Variants in NCOR1 observed in about 807,000 individuals in gnomAD.
NCOR1 encodes the protein protein phosphatase 1, regulatory subunit 109.
A neutral mutation model predicts 288.1 loss-of-function variants in NCOR1; 63 were observed. That is an observed-to-expected ratio of 0.22 (90% CI 0.18 to 0.27). The LOEUF is 0.27. NCOR1 is among the 10% of genes least tolerant of loss of function. The pLI, the probability that NCOR1 is intolerant of heterozygous loss-of-function variation, is 1.00. For missense variants in NCOR1, 2,397 were observed against 3,019.2 expected (o/e 0.79, Z 4.83); for synonymous variants, 1,007 against 1,065.9 (o/e 0.94, Z 1.08).
intron 26 of NCOR1, 130 bp downstream of exon 26, chr17:16,079,834 C>A: frequency 1.5e-6 from 1 of 665,342 alleles, no homozygotes; most frequent in Non-Finnish European, 2.6e-6. Flanking sequence ...GTTTGCAGAT[C>A]TAGGTTATGA....
chr17:16,053,094 A>T (rs1327419794), intron 40 of NCOR1, among the ~76,000 whole-genome samples: 1 of 152,224 alleles, frequency 6.6e-6, no homozygotes, highest in Non-Finnish European at 1.5e-5. Flanking sequence ...CATCATACTG[A>T]ATGGGCAAAA....
chr17:16,127,585 GTATA>G (rs1277619734), intron 14 of NCOR1, among the ~76,000 whole-genome samples: 6 of 142,234 alleles, frequency 4.2e-5, no homozygotes, highest in Non-Finnish European at 7.6e-5. Flanking sequence ...ATACATATGT[GTATA>G]TATGTATGTA....
chr17:16,039,667 C>T lies in NCOR1; in HGVS notation c.6734-13G>A. The T allele has an allele frequency of 1.2e-6, 2 of 1,605,552 alleles. No homozygotes were observed. Among genetic ancestry groups the T allele is most frequent in the South Asian group, 2.2e-5 (2 of 89,920 alleles). On this transcript the variant is annotated splice_polypyrimidine_tract_variant and intron_variant, in intron 43 of 45. Transcript: ENST00000268712. ...GAGCTAACTGAGCCTGAAAGAGAAT[C>T]AAAAACATTTCCACTTATTTCTGAA...
At chr17:16,199,577 T>C (rs1326535121) in intron 1 of NCOR1, among the ~76,000 whole-genome samples, 1 of 152,164 alleles carries the variant, frequency 6.6e-6, no homozygotes, top group Non-Finnish European at 1.5e-5. Context: ...CTCACTAAGA[T>C]ACCTCGGCAG....
At chr17:16,149,116 C>G (rs1207511059) in intron 9 of NCOR1, among the ~76,000 whole-genome samples, 1 of 151,982 alleles carries the variant, frequency 6.6e-6, no homozygotes, top group Non-Finnish European at 1.5e-5. Flanking sequence ...ATGACTGCAA[C>G]TTACCTACAA....
Position 16,194,452 on chromosome 17 carries a change from T to G in NCOR1, c.108+10A>C. 6.4e-7 allele frequency: 1 copy of G among 1,559,774 alleles called. No homozygotes were observed. Among genetic ancestry groups the G allele is most frequent in the Non-Finnish European group, 8.8e-7 (1 of 1,136,204 alleles). On this transcript the variant is annotated intron_variant, in intron 2 of 45. Transcript: ENST00000268712. Reference sequence around the variant, plus strand: ...AAACATGTGCAATTTGCATACTATCTGTTCCTTACCTGCTGGTGGCGGGTG... The same window carrying G: ...AAACATGTGCAATTTGCATACTATCGGTTCCTTACCTGCTGGTGGCGGGTG...
chr17:16,161,988 A>C (rs1334813561), intron 5 of NCOR1, among the ~76,000 whole-genome samples: 4 of 152,196 alleles, frequency 2.6e-5, no homozygotes, highest in Non-Finnish European at 5.9e-5. Flanking sequence ...AATAAAAGAC[A>C]AAAGAAAGAA....
At position 16,039,550 on chromosome 17, in the gene NCOR1, C is replaced by T; in HGVS notation, c.6838G>A (p.Glu2280Lys). 1.2e-6 allele frequency: 2 copies of T among 1,614,158 alleles called. No individual in the cohort carries two copies. The highest frequency in any genetic ancestry group is 1.7e-6 in the Non-Finnish European group (2 of 1,180,034). ...ALMGSFDDKV[E>K]DHGVVMSQPM... ...TGGGACATGACAACTCCATGATCCT[C>T]AACTTTGTCATCAAAGCTTCCCATG... Residue 2280 changes from glutamate (E) to lysine (K), a missense_variant, in exon 44 of 46, where the codon GAG (glutamate) becomes AAG (lysine). Physicochemically the swap from Glu to Lys is moderately conservative, Grantham distance 56 (BLOSUM62 1). Around this residue, in one of 11 missense-constraint regions of NCOR1, gnomAD observed 1,872 missense variants for 2,187.8 expected, o/e 0.86. Transcript: ENST00000268712.
At chr17:16,092,691 ATATATTTTTTTTTTT>A (rs2065585715) in intron 21 of NCOR1, among the ~76,000 whole-genome samples, 1 of 10,854 alleles carries the variant, frequency 9.2e-5, no homozygotes, top group South Asian at 6.3e-3. Context: ...ATATATATAT[ATATATTTTTTTTTTT>A]TTTTTTTTTT....
Position 16,080,082 on chromosome 17 carries a change from T to C in NCOR1, c.3401-18A>G, listed in dbSNP as rs748382898. ...TGCGGTACCTGAATACAAACAAAGC[T>C]ATTAGCAAATTACACCCCCAGCCCC... On this transcript the variant is annotated intron_variant, in intron 25 of 45. Coordinates refer to ENST00000268712, the MANE Select transcript of NCOR1 (RefSeq NM_006311.4). 1.2e-6 allele frequency: 2 copies of C among 1,603,736 alleles called. No individual in the cohort carries two copies. The highest frequency in any genetic ancestry group is 8.5e-7 in the Non-Finnish European group (1 of 1,170,718).
rs114388821 is a variant in NCOR1 at position 16,062,341 on chromosome 17, A to G, written c.5222-71T>C. ...CCAGAGACAAAAGGAAGCAATGCTT[A>G]TGGATTGTTTATTTCCTAACATACC... On this transcript the variant is annotated intron_variant, in intron 35 of 45. Coordinates refer to ENST00000268712, the MANE Select transcript of NCOR1 (RefSeq NM_006311.4). The G allele has an allele frequency of 2.2e-3, 3,193 of 1,438,194 alleles. 62 individuals carry two copies. The African/African-American group carries it at 0.039, about 17-fold the overall frequency. 89.1% of individuals were successfully genotyped at this position (1,438,194 alleles called of 1,614,324 possible).
chr17:16,097,127 G>A (rs1426352281), intron 21 of NCOR1, among the ~76,000 whole-genome samples: 1 of 152,152 alleles, frequency 6.6e-6, no homozygotes, highest in African/African-American at 2.4e-5. Flanking sequence ...CAAATCCTTA[G>A]AATTTCCAGA....
intron 8 of NCOR1, chr17:16,151,603 T>A (rs1195357049): frequency 7.4e-7 from 1 of 1,344,540 alleles, no homozygotes; most frequent in East Asian, 4.6e-5. Flanking sequence ...ATCATGCGCC[T>A]TGCAGGTACT....
At chr17:16,172,768 T>G (rs1284454347) in intron 3 of NCOR1, among the ~76,000 whole-genome samples, 3 of 152,220 alleles carry the variant, frequency 2.0e-5, no homozygotes, top group African/African-American at 7.2e-5. Flanking sequence ...GATGTATTGT[T>G]GAGTCCTGCT....
chr17:16,064,233 CT>C, intron 34 of NCOR1, 46 bp from the exon 35 acceptor site: 1 of 1,572,506 alleles, frequency 6.4e-7, no homozygotes. Context: ...TATCAACTGA[CT>C]GAGTATATCA....
At chr17:16,174,622 T>C (rs2083748040) in intron 3 of NCOR1, among the ~76,000 whole-genome samples, 1 of 152,216 alleles carries the variant, frequency 6.6e-6, no homozygotes, top group Non-Finnish European at 1.5e-5. Flanking sequence ...CAATCCTTTT[T>C]AGAAGAACAA....
intron 43 of NCOR1, 150 bp from the exon 44 acceptor site, chr17:16,039,804 T>C (rs1177970308): frequency 1.6e-5 from 11 of 687,240 alleles, no homozygotes; most frequent in Non-Finnish European, 2.2e-5. Flanking sequence ...ACCTTTTTTT[T>C]TGGAGACAGA....
chr17:16,069,369 C>T (rs145525167), intron 31 of NCOR1, among the ~76,000 whole-genome samples: 2 of 152,296 alleles, frequency 1.3e-5, no homozygotes, highest in Non-Finnish European at 2.9e-5. Context: ...CTCTGTGCTA[C>T]GCCCCTCACA....
intron 1 of NCOR1, among the ~76,000 whole-genome samples, chr17:16,213,057 CAAA>C (rs34419344): frequency 2.5e-3 from 290 of 114,860 alleles, no homozygotes; most frequent in Admixed American, 2.6e-3. Context: ...ACCCTGTCTC[CAAA>C]AAAAAAAAAA....
Sources: allele counts gnomAD v4.1 joint callset (sites outside exome capture counted in the v4.1 genomes callset), GRCh38; gene constraint gnomAD v4.1.1; regional missense constraint gnomAD v4.1.1; transcripts MANE v1.5; gene names NCBI Gene and HGNC (gene_info 2026-07-23, HGNC 2026-07-21).